PLEKHM3: variants seen among roughly 807,000 people sequenced by gnomAD.
The protein encoded by PLEKHM3 is pleckstrin homology domain-containing family M member 3.
In PLEKHM3, 45 loss-of-function variants were observed where a neutral mutation model predicts 81.8. That is an observed-to-expected ratio of 0.55 (90% CI 0.43 to 0.71). PLEKHM3 has a LOEUF of 0.71. PLEKHM3 is among the 30% of genes least tolerant of loss of function. The probability of loss-of-function intolerance (pLI) is 0.00; values close to 1 mark genes in which losing one functional copy is unlikely to be tolerated. For synonymous variants in PLEKHM3, 352 were observed against 356.4 expected, an observed-to-expected ratio of 0.99 and a Z score of 0.14; for missense variants, 788 against 924.3, an observed-to-expected ratio of 0.85 and a Z score of 1.91.
At chr2:207,860,148 C>CGTGTGTGTGTGT (rs1352983342) in intron 7 of PLEKHM3, among the ~76,000 whole-genome samples, 2 of 58,070 alleles carry the variant, frequency 3.4e-5, no homozygotes, top group African/African-American at 1.4e-4. Context: ...CTGAACTCTG[C>CGTGTGTGTGTGT]CTCTGTGTGT....
chr2:207,854,840 T>C (rs897797280), intron 7 of PLEKHM3, among the ~76,000 whole-genome samples: 1 of 152,196 alleles, frequency 6.6e-6, no homozygotes, highest in African/African-American at 2.4e-5. Context: ...TGTGGTTATT[T>C]TGGTGAGAAT....
At chr2:207,933,756 A>C (rs1309693465) in intron 4 of PLEKHM3, among the ~76,000 whole-genome samples, 1 of 152,242 alleles carries the variant, frequency 6.6e-6, no homozygotes, top group Non-Finnish European at 1.5e-5. Flanking sequence ...ATTACAAAAA[A>C]CAAAAACAGA....
At chr2:207,883,791 C>A (rs1376414581) in intron 6 of PLEKHM3, among the ~76,000 whole-genome samples, 1 of 151,950 alleles carries the variant, frequency 6.6e-6, no homozygotes, top group Non-Finnish European at 1.5e-5. Context: ...TATACAAATA[C>A]CCTCAACAAA....
chr2:207,978,011 T>C (rs1691379113), intron 2 of PLEKHM3, among the ~76,000 whole-genome samples: 1 of 152,124 alleles, frequency 6.6e-6, no homozygotes, highest in African/African-American at 2.4e-5. Flanking sequence ...CACTTCAGCC[T>C]GGAGGTTGGA....
intron 6 of PLEKHM3, among the ~76,000 whole-genome samples, chr2:207,884,453 A>G (rs1687822223): frequency 6.6e-6 from 1 of 152,238 alleles, no homozygotes; most frequent in African/African-American, 2.4e-5. Flanking sequence ...AAACATTTTG[A>G]TGACACAAAA....
At chr2:207,888,419 CAG>C (rs1687951213) in intron 6 of PLEKHM3, among the ~76,000 whole-genome samples, 1 of 151,956 alleles carries the variant, frequency 6.6e-6, no homozygotes, top group African/African-American at 2.4e-5. Flanking sequence ...TTCTTTGAGA[CAG>C]AATCTCGCTT....
chr2:207,989,402 G>C (rs1691825394), intron 2 of PLEKHM3, among the ~76,000 whole-genome samples: 1 of 152,208 alleles, frequency 6.6e-6, no homozygotes, highest in African/African-American at 2.4e-5. Context: ...AGACAGGATA[G>C]AATTGATATT....
At chr2:207,874,867 G>A (rs1175961956) in intron 6 of PLEKHM3, among the ~76,000 whole-genome samples, 2 of 151,910 alleles carry the variant, frequency 1.3e-5, no homozygotes, top group Non-Finnish European at 2.9e-5. Flanking sequence ...TGAGATTACA[G>A]GTATGAGCCA....
chr2:207,953,561 G>T (rs1412037370), intron 3 of PLEKHM3, among the ~76,000 whole-genome samples: 1 of 152,166 alleles, frequency 6.6e-6, no homozygotes, highest in East Asian at 1.9e-4. Context: ...GGCTGAGGTG[G>T]ACAGATCTCT....
chr2:207,972,762 T>C (rs1691172582), intron 3 of PLEKHM3, among the ~76,000 whole-genome samples: 1 of 152,184 alleles, frequency 6.6e-6, no homozygotes, highest in South Asian at 2.1e-4. Flanking sequence ...TTTAAAACCA[T>C]AACCTCAGGC....
At chr2:207,945,586 G>A (rs1342719013) in intron 4 of PLEKHM3, among the ~76,000 whole-genome samples, 1 of 152,142 alleles carries the variant, frequency 6.6e-6, no homozygotes, top group Non-Finnish European at 1.5e-5. Flanking sequence ...ACCTTCACAT[G>A]AGTAGGAGCG....
At chr2:207,962,324 G>A (rs1287007104) in intron 3 of PLEKHM3, among the ~76,000 whole-genome samples, 1 of 152,194 alleles carries the variant, frequency 6.6e-6, no homozygotes, top group Non-Finnish European at 1.5e-5. Flanking sequence ...GCTCAGAGGA[G>A]CTTCCTCATT....
intron 1 of PLEKHM3, among the ~76,000 whole-genome samples, chr2:208,007,686 G>A (rs1692541732): frequency 6.6e-6 from 1 of 152,162 alleles, no homozygotes; most frequent in Non-Finnish European, 1.5e-5. Context: ...GGGAGGCTGA[G>A]GCAGGAGGAT....
At chr2:207,914,453 G>A (rs1021915471) in intron 5 of PLEKHM3, among the ~76,000 whole-genome samples, 5 of 151,270 alleles carry the variant, frequency 3.3e-5, no homozygotes, top group Non-Finnish European at 7.4e-5. Context: ...AGCCAACATC[G>A]CGCCATTGCA....
intron 7 of PLEKHM3, among the ~76,000 whole-genome samples, chr2:207,846,621 G>A (rs189990856): frequency 5.3e-5 from 8 of 152,076 alleles, no homozygotes; most frequent in Admixed American, 4.6e-4. Flanking sequence ...TACTCGGCAG[G>A]CTGAGGTGAG....
chr2:207,856,557 C>T (rs987421094), intron 7 of PLEKHM3, among the ~76,000 whole-genome samples: 4 of 152,178 alleles, frequency 2.6e-5, no homozygotes, highest in African/African-American at 4.8e-5. Context: ...TAGTTGGAAT[C>T]GTATAGTACG....
chr2:207,950,785 G>A (rs1234355730), intron 3 of PLEKHM3, among the ~76,000 whole-genome samples: 2 of 152,098 alleles, frequency 1.3e-5, no homozygotes, highest in East Asian at 3.8e-4. Context: ...AATATTTTAG[G>A]TACTTAGTCA....
intron 7 of PLEKHM3, among the ~76,000 whole-genome samples, chr2:207,850,733 T>TAA (rs559869787): frequency 6.6e-6 from 1 of 151,736 alleles, no homozygotes; most frequent in Admixed American, 6.6e-5. Flanking sequence ...ATTTAAGGAT[T>TAA]AAAAAAAAAT....
At chr2:208,018,106 G>C (rs1475645368) in intron 1 of PLEKHM3, among the ~76,000 whole-genome samples, 1 of 152,054 alleles carries the variant, frequency 6.6e-6, no homozygotes, top group Non-Finnish European at 1.5e-5. Context: ...TGGGCGCAGT[G>C]GTTCACGCCT....
Sources: gnomAD v4.1 joint callset for allele counts (sites outside exome capture counted in the v4.1 genomes callset) on GRCh38, gnomAD v4.1.1 for gene constraint, MANE v1.5 for transcripts, NCBI Gene and HGNC (gene_info 2026-07-23, HGNC 2026-07-21) for gene names.